Variants in PPAN observed in about 807,000 individuals in gnomAD.
PPAN encodes peter pan homolog.
PPAN carries 39 observed loss-of-function variants against 48.5 expected under a neutral mutation model. That is an observed-to-expected ratio of 0.80 (90% confidence interval 0.62 to 1.05). The LOEUF is 1.05. Ranked by LOEUF, PPAN falls within the 50% of genes least tolerant of loss-of-function variation. PPAN has a pLI of 0.00. For synonymous variants in PPAN, 315 were observed against 268.6 expected (o/e 1.17, Z -1.69); for missense variants, 736 against 661.7 (o/e 1.11, Z -1.23).
rs199677485 is a variant in PPAN at position 10,110,937 on chromosome 19, C to T, written c.1202-8C>T. On this transcript the variant is annotated splice_region_variant and splice_polypyrimidine_tract_variant and intron_variant, in intron 11 of 11. Coordinates refer to ENST00000253107, the MANE Select transcript of PPAN (RefSeq NM_020230.7). This position sits in a 1 kb window ranked among gnomAD's most constrained non-coding sequence, Gnocchi z 5.9. ...CTCTGGGGGCCCTGACACTGTCTCT[C>T]CCCACAGACCTGTTCCCCGAGGCCA... 1.6e-4 allele frequency: 260 copies of T among 1,613,216 alleles called. No individual in the cohort carries two copies. Among genetic ancestry groups the T allele is most frequent in the Non-Finnish European group, 2.0e-4 (240 of 1,179,904 alleles).
In PPAN at chr19:10,109,910, C is replaced by T. The variant is rs770237631; in HGVS notation, c.591-3C>T. The T allele has an allele frequency of 6.2e-6, 10 of 1,613,974 alleles. No homozygotes were observed. In the East Asian group the frequency reaches 1.3e-4, roughly 22 times the overall value. On this transcript the variant is annotated splice_polypyrimidine_tract_variant and splice_region_variant and intron_variant, in intron 6 of 11. Transcript: ENST00000253107. Reference sequence around the variant, plus strand: ...CCCTTGCCGTCCACTCATGTTCCTGCAGTAGCATCAAAGTTGTTCCTGTGG... The same window carrying T: ...CCCTTGCCGTCCACTCATGTTCCTGTAGTAGCATCAAAGTTGTTCCTGTGG...
rs555510856 is a variant in PPAN at position 10,106,546 on chromosome 19, C to T, written c.64C>T (p.Leu22Phe). 23 of 1,554,070 alleles carry T rather than the reference C, an allele frequency of 1.5e-5. No homozygotes were observed. The South Asian group carries it at 2.1e-4, about 14-fold the overall frequency. Residue 22 changes from leucine (L) to phenylalanine (F), a missense_variant, in exon 2 of 12, where the codon CTC becomes TTC. Physicochemically the swap from Leu to Phe is conservative, Grantham distance 22 (BLOSUM62 0). Transcript: ENST00000253107. ...RARAQAQLRN[L>F]EAYAANPHSF... is the part of the protein sequence containing the mutation. ...CCGCGCCCAGGCGCAGCTCCGCAAC[C>T]TCGAGGCCTATGCCGCGAACCCGCA...
At chr19:10,106,709 C>G in intron 2 of PPAN, 38 bp downstream of exon 2, 1 of 1,501,016 alleles carries the variant, frequency 6.7e-7, no homozygotes, top group Non-Finnish European at 8.9e-7. Flanking sequence ...CACCCACCCT[C>G]GGCCTAGTCT....
At position 10,109,933 on chromosome 19, in the gene PPAN, T is replaced by C. The variant is rs774215089; in HGVS notation, c.611T>C (p.Val204Ala). 3 of 1,613,928 alleles carry C rather than the reference T, an allele frequency of 1.9e-6. No homozygotes were observed. Among genetic ancestry groups the C allele is most frequent in the Non-Finnish European group, 2.5e-6 (3 of 1,179,932 alleles). The change falls in exon 7 of 12, where the codon GTG becomes GCG. Residue 204 changes from valine to alanine, a missense_variant. Coordinates refer to ENST00000253107, the MANE Select transcript of PPAN (RefSeq NM_020230.7). ...TGCAGTAGCATCAAAGTTGTTCCTG[T>C]GGGCGCGAGTCGCGGGATGAAGAAG... ...FRHYSIKVVP[V>A]GASRGMKKLL...
chr19:10,107,789 TTTC>T lies in PPAN; in HGVS notation c.292-10_292-8del, dbSNP rs1478556706. On this transcript the variant is annotated splice_polypyrimidine_tract_variant and intron_variant, in intron 3 of 11. Coordinates refer to ENST00000253107, the MANE Select transcript of PPAN (RefSeq NM_020230.7). ...TAGACCCCTCCAGAGTCACTGATCT[TTTC>T]TTCTCCTGCAGAAGCTGATGCGCCT... is the stretch of plus-strand genomic sequence containing the variant. 6 of 1,613,652 alleles carry T rather than the reference TTTC, an allele frequency of 3.7e-6. No individual in the cohort carries two copies. The highest frequency in any genetic ancestry group is 1.7e-5 in the Admixed American group (1 of 60,014).
Position 10,106,533 on chromosome 19 carries a change from G to C in PPAN, c.51G>C (p.Ala17=), listed in dbSNP as rs1180738834. 1.3e-6 allele frequency: 2 copies of C among 1,553,756 alleles called. No homozygotes were observed. The highest frequency in any genetic ancestry group is 2.7e-5 in the African/African-American group (2 of 73,222). ...SRHQKRARAQ[A]QLRNLEAYAA... is the part of the protein sequence containing the mutation. Reference sequence around the variant, plus strand: ...ACCAGAAGCGCGCCCGCGCCCAGGCGCAGCTCCGCAACCTCGAGGCCTATG... The same window carrying C: ...ACCAGAAGCGCGCCCGCGCCCAGGCCCAGCTCCGCAACCTCGAGGCCTATG... Residue 17 remains alanine, a synonymous_variant, in exon 2 of 12, where the codon GCG becomes GCC. Coordinates refer to ENST00000253107, the MANE Select transcript of PPAN (RefSeq NM_020230.7).
chr19:10,110,026 G>A lies in PPAN; in HGVS notation c.698+6G>A. 6.2e-7 allele frequency: 1 copy of A among 1,613,824 alleles called. No individual in the cohort carries two copies. Among genetic ancestry groups the A allele is most frequent in the East Asian group, 2.2e-5 (1 of 44,872 alleles). ...ATCAGCGAGCTGCTGGCCACGTGAG[G>A]AGGGCATAGGGCGGGAGGCCACTGC... is the stretch of plus-strand genomic sequence containing the variant. On this transcript the variant is annotated splice_donor_region_variant and intron_variant, in intron 7 of 11. Coordinates refer to ENST00000253107, the MANE Select transcript of PPAN (RefSeq NM_020230.7). This position sits in a 1 kb window ranked among gnomAD's most constrained non-coding sequence, Gnocchi z 5.9.
intron 2 of PPAN, 120 bp from the exon 3 acceptor site, chr19:10,107,385 T>C: frequency 9.5e-7 from 1 of 1,048,140 alleles, no homozygotes; most frequent in Non-Finnish European, 1.4e-6. Flanking sequence ...CTTTTGCTCC[T>C]CTGGGCTTGT....
At chr19:10,109,062 C>T (rs1162638301) in intron 5 of PPAN, among the ~76,000 whole-genome samples, 3 of 151,368 alleles carry the variant, frequency 2.0e-5, no homozygotes, top group South Asian at 4.2e-4. Context: ...CCCAGGTTCA[C>T]GCCATTCTCC....
Position 10,107,448 on chromosome 19 carries a change from T to C in PPAN, c.190-57T>C, listed in dbSNP as rs1216217340. ...TAACAGGATCTGCACCGTCAGCTTATAGTTGTCACAACAAGGGATAAGCTA... is the reference window on the plus strand; with the variant it reads ...TAACAGGATCTGCACCGTCAGCTTACAGTTGTCACAACAAGGGATAAGCTA... On this transcript the variant is annotated intron_variant, in intron 2 of 11. Coordinates refer to ENST00000253107, the MANE Select transcript of PPAN (RefSeq NM_020230.7). 8 of 1,581,824 alleles carry C rather than the reference T, an allele frequency of 5.1e-6. No individual in the cohort carries two copies. The Admixed American group carries it at 5.1e-5, about 10-fold the overall frequency.
Position 10,107,814 on chromosome 19 carries a change from G to GCCTC in PPAN, c.305_308dup (p.Gly104ProfsTer18). On this transcript the variant is annotated frameshift_variant, in exon 4 of 12. Coordinates refer to ENST00000253107, the MANE Select transcript of PPAN (RefSeq NM_020230.7). LOFTEE classifies it high-confidence loss of function. Reference sequence around the variant, plus strand: ...TTTCTTCTCCTGCAGAAGCTGATGCGCCTCCCAGGAGGCCCCACCTTGACC... The same window carrying GCCTC: ...TTTCTTCTCCTGCAGAAGCTGATGCGCCTCCCTCCCAGGAGGCCCCACCTTGACC... The GCCTC allele has an allele frequency of 6.2e-7, 1 of 1,613,662 alleles. No individual in the cohort carries two copies. The highest frequency in any genetic ancestry group is 8.5e-7 in the Non-Finnish European group (1 of 1,179,640).
chr19:10,111,047 A>G lies in PPAN; in HGVS notation c.1304A>G (p.Lys435Arg). ...GGCAGGGGTCGCCTTTGTGACCAGA[A>G]GTTTCCCAAGACCAAGGACAAGTCC... is the stretch of plus-strand genomic sequence containing the variant. ...DRGRGRLCDQ[K>R]FPKTKDKSQG... is the part of the protein sequence containing the mutation. Residue 435 changes from lysine (K) to arginine (R), a missense_variant, in exon 12 of 12, where the codon AAG (lysine) becomes AGG (arginine). By Grantham distance (26) the Lys-to-Arg change is conservative. Coordinates refer to ENST00000253107, the MANE Select transcript of PPAN (RefSeq NM_020230.7). 6.2e-7 allele frequency: 1 copy of G among 1,613,618 alleles called. No homozygotes were observed. Among genetic ancestry groups the G allele is most frequent in the East Asian group, 2.2e-5 (1 of 44,832 alleles).
chr19:10,107,223 G>A (rs1243474508), intron 2 of PPAN, among the ~76,000 whole-genome samples: 1 of 152,124 alleles, frequency 6.6e-6, no homozygotes, highest in Non-Finnish European at 1.5e-5. Flanking sequence ...AGCAAAGCAG[G>A]GTTGGAAACT....
chr19:10,111,840 G>C lies in PPAN; in HGVS notation c.*675G>C. ...AACACCTAGGTCTGGGGCTGGGCAC[G>C]GTGGCTCACGCCTGTAATCCCAGCA... is the stretch of plus-strand genomic sequence containing the variant. On this transcript the variant is annotated 3_prime_UTR_variant, in exon 12 of 12. Coordinates refer to ENST00000253107, the MANE Select transcript of PPAN (RefSeq NM_020230.7). 1 of 1,395,138 alleles carries C rather than the reference G, an allele frequency of 7.2e-7. No homozygotes were observed. Among genetic ancestry groups the C allele is most frequent in the South Asian group, 1.2e-5 (1 of 82,930 alleles). 86.4% of individuals were successfully genotyped at this position (1,395,138 alleles called of 1,614,324 possible). A position where few individuals can be genotyped will look rare whatever the true frequency, so the allele number is the denominator to read the frequency against.
In PPAN at chr19:10,111,317, G is replaced by C; in HGVS notation, c.*152G>C. On this transcript the variant is annotated 3_prime_UTR_variant, in exon 12 of 12. Coordinates refer to ENST00000253107, the MANE Select transcript of PPAN (RefSeq NM_020230.7). ...GGCCAGGGGTCCACGTCAGCGTTTGGGATGGGGGATTCTGGAGCCATACAA... is the reference window on the plus strand; with the variant it reads ...GGCCAGGGGTCCACGTCAGCGTTTGCGATGGGGGATTCTGGAGCCATACAA... 1 of 978,936 alleles carries C rather than the reference G, an allele frequency of 1.0e-6. No homozygotes were observed. The highest frequency in any genetic ancestry group is 1.5e-6 in the Non-Finnish European group (1 of 684,136). 60.6% of individuals were successfully genotyped at this position (978,936 alleles called of 1,614,324 possible). A position where few individuals can be genotyped will look rare whatever the true frequency, so the allele number is the denominator to read the frequency against.
rs1568486824 is a variant in PPAN at position 10,110,869 on chromosome 19, A to G, written c.1201+3A>G. ...GGTGGGCGAGGCGCCCAGTGAGGGT[A>G]TGGAGTGGGGTCTGCAGCAGGGCAC... On this transcript the variant is annotated splice_donor_region_variant and intron_variant, in intron 11 of 11. Coordinates refer to ENST00000253107, the MANE Select transcript of PPAN (RefSeq NM_020230.7). The surrounding 1 kb of genome is among the most constrained non-coding windows in gnomAD (Gnocchi z 5.9). 6.2e-7 allele frequency: 1 copy of G among 1,613,242 alleles called. No individual in the cohort carries two copies. The highest frequency in any genetic ancestry group is 8.5e-7 in the Non-Finnish European group (1 of 1,179,806).
chr19:10,111,651 A>G lies in PPAN; in HGVS notation c.*486A>G. The G allele has an allele frequency of 6.3e-7, 1 of 1,596,384 alleles. No individual in the cohort carries two copies. Among genetic ancestry groups the G allele is most frequent in the Non-Finnish European group, 8.6e-7 (1 of 1,165,332 alleles). On this transcript the variant is annotated 3_prime_UTR_variant, in exon 12 of 12. Transcript: ENST00000253107. ...GGATGGGGCTGGGGCAGGGCCCACT[A>G]AGCCACTGGTGACTGGGGGAGGGGC...
At position 10,109,712 on chromosome 19, in the gene PPAN, G is replaced by A; in HGVS notation, c.590+5G>A. On this transcript the variant is annotated splice_donor_5th_base_variant and intron_variant, in intron 6 of 11. Transcript: ENST00000253107. ...GGAGCTGGACTTCCGCCACTAGTGAGTGTCCCAGCAGGATGGGAGACGAGG... is the reference window on the plus strand; with the variant it reads ...GGAGCTGGACTTCCGCCACTAGTGAATGTCCCAGCAGGATGGGAGACGAGG... 2 of 1,613,466 alleles carry A rather than the reference G, an allele frequency of 1.2e-6. No individual in the cohort carries two copies. The highest frequency in any genetic ancestry group is 1.1e-5 in the South Asian group (1 of 90,974).
Position 10,110,100 on chromosome 19 carries a change from G to A in PPAN, c.699-23G>A, listed in dbSNP as rs1425493508. 5.0e-6 allele frequency: 8 copies of A among 1,610,294 alleles called. No homozygotes were observed. The highest frequency in any genetic ancestry group is 1.3e-5 in the African/African-American group (1 of 75,040). ...CCGGGAGCCTGAGCTCCCCCACTGAGCCCTGTTATGTCCTACACACAGGGG... is the reference window on the plus strand; with the variant it reads ...CCGGGAGCCTGAGCTCCCCCACTGAACCCTGTTATGTCCTACACACAGGGG... On this transcript the variant is annotated intron_variant, in intron 7 of 11. Coordinates refer to ENST00000253107, the MANE Select transcript of PPAN (RefSeq NM_020230.7). This position sits in a 1 kb window ranked among gnomAD's most constrained non-coding sequence, Gnocchi z 5.9.
Sources: allele counts gnomAD v4.1 joint callset (sites outside exome capture counted in the v4.1 genomes callset), GRCh38; gene constraint gnomAD v4.1.1; non-coding constraint Gnocchi (gnomAD v3.1); transcripts MANE v1.5; gene names NCBI Gene and HGNC (gene_info 2026-07-23, HGNC 2026-07-21).